THADA: variants seen among roughly 807,000 people sequenced by gnomAD.
THADA encodes THADA armadillo repeat containing, also known as tRNA (32-2'-O)-methyltransferase regulator THADA.
A neutral mutation model predicts 219.8 loss-of-function variants in THADA; 213 were observed. The observed-to-expected ratio is 0.97, with a 90% CI of 0.87 to 1.09. THADA has a LOEUF of 1.09. Among genes scored for constraint, THADA ranks in the 50% least tolerant of loss-of-function variants. The pLI is 0.00. For synonymous variants in THADA, 1,018 were observed against 828.9 expected (o/e 1.23, Z -3.92); for missense variants, 2,956 against 2,311.3 (o/e 1.28, Z -5.72).
At chr2:43,519,588 T>A (rs75712838) in intron 22 of THADA, among the ~76,000 whole-genome samples, 1 of 152,220 alleles carries the variant, frequency 6.6e-6, no homozygotes, top group African/African-American at 2.4e-5. Context: ...TCCACAGTTA[T>A]ATGTTTCCTA....
chr2:43,513,434 G>C (rs956570987), intron 22 of THADA, among the ~76,000 whole-genome samples: 1 of 152,224 alleles, frequency 6.6e-6, no homozygotes, highest in Non-Finnish European at 1.5e-5. Flanking sequence ...AAGAGTTACA[G>C]ATTTAGAAGC....
rs201981420 is a variant in THADA at position 43,401,978 on chromosome 2, A to G, written c.4059-3839T>C. 3.4e-4 allele frequency among the ~76,000 whole-genome samples: 51 copies of G among 152,064 alleles called. No homozygotes were observed. The East Asian group carries it at 7.0e-3, about 21-fold the overall frequency. ...AAAAAATTTTAAGGATCATGAAAAT[A>G]TTTCAGAAACTAATGTAAACTATGG... On this transcript the variant is annotated intron_variant, in intron 28 of 37. Transcript: ENST00000405975.
At chr2:43,368,138 GAAAC>G (rs1346785674) in intron 29 of THADA, among the ~76,000 whole-genome samples, 1 of 151,980 alleles carries the variant, frequency 6.6e-6, no homozygotes, top group Non-Finnish European at 1.5e-5. Flanking sequence ...AACAAACAAA[GAAAC>G]AAACAAACAA....
chr2:43,556,540 G>A lies in THADA; in HGVS notation c.2479C>T (p.Gln827Ter). The A allele has an allele frequency of 6.2e-7, 1 of 1,613,596 alleles. No individual in the cohort carries two copies. Among genetic ancestry groups the A allele is most frequent in the Non-Finnish European group, 8.5e-7 (1 of 1,179,682 alleles). The change falls in exon 17 of 38, where the codon CAA becomes TAA. Residue 827 changes from glutamine to a stop codon, truncating the protein, a stop_gained. Transcript: ENST00000405975. LOFTEE classifies it high-confidence loss of function. ...TCCAATGCTGCCTGAAATAAGCCTTGCAGTTTCCCCGAATCCTAGAATAAA... is the reference window on the plus strand; with the variant it reads ...TCCAATGCTGCCTGAAATAAGCCTTACAGTTTCCCCGAATCCTAGAATAAA... ...AVHFQDSGKL[Q>*]GLFQAALELS... is the part of the protein sequence containing the mutation.
At chr2:43,588,292 CAAA>C (rs59607755) in intron 4 of THADA, among the ~76,000 whole-genome samples, 1 of 98,710 alleles carries the variant, frequency 1.0e-5, no homozygotes. Flanking sequence ...AAAAGTTGAG[CAAA>C]AAAAAAAAAA....
At chr2:43,319,235 C>A (rs565923666) in intron 31 of THADA, among the ~76,000 whole-genome samples, 1 of 152,254 alleles carries the variant, frequency 6.6e-6, no homozygotes, top group South Asian at 2.1e-4. Context: ...TCCCTTACAG[C>A]CACGGTGACC....
chr2:43,508,594 A>G, intron 23 of THADA, 54 bp downstream of exon 23: 4 of 1,575,626 alleles, frequency 2.5e-6, no homozygotes. Context: ...GTTAGGATAC[A>G]CTATCATCAA....
intron 29 of THADA, among the ~76,000 whole-genome samples, chr2:43,360,385 G>C (rs527280607): frequency 1.3e-5 from 2 of 152,326 alleles, no homozygotes; most frequent in East Asian, 3.9e-4. Flanking sequence ...AACAGTGAAA[G>C]TAAACAGCAA....
chr2:43,256,612 AT>A (rs1553356398), intron 36 of THADA, among the ~76,000 whole-genome samples: 57 of 146,800 alleles, frequency 3.9e-4, no homozygotes, highest in South Asian at 4.3e-4. Flanking sequence ...TAAATAAATA[AT>A]TTTTTTTTTT....
At chr2:43,287,449 CA>C (rs1427313783) in intron 34 of THADA, among the ~76,000 whole-genome samples, 2 of 152,106 alleles carry the variant, frequency 1.3e-5, no homozygotes, top group Admixed American at 1.3e-4. Flanking sequence ...TGTGTGCCAC[CA>C]CACCTGGCTA....
At chr2:43,417,860 T>TC (rs1302572892) in intron 28 of THADA, among the ~76,000 whole-genome samples, 2 of 152,152 alleles carry the variant, frequency 1.3e-5, no homozygotes, top group Admixed American at 6.6e-5. Flanking sequence ...TGCCCAACAT[T>TC]CCCCCCCTCT....
At chr2:43,377,892 C>A (rs139870123) in intron 29 of THADA, among the ~76,000 whole-genome samples, 2 of 152,058 alleles carry the variant, frequency 1.3e-5, no homozygotes, top group South Asian at 4.2e-4. Flanking sequence ...CACCAGACAC[C>A]GCAAAAGGCA....
intron 26 of THADA, among the ~76,000 whole-genome samples, chr2:43,475,757 A>G (rs1685458450): frequency 6.6e-6 from 1 of 152,266 alleles, no homozygotes; most frequent in Non-Finnish European, 1.5e-5. Context: ...AGCTGCTTAC[A>G]GGAATGAATT....
chr2:43,299,856 G>T (rs559140728), intron 31 of THADA, among the ~76,000 whole-genome samples: 2 of 89,064 alleles, frequency 2.2e-5, no homozygotes, highest in East Asian at 6.7e-4. Context: ...GCGAAACCCC[G>T]CCTCTACTAA....
At chr2:43,353,730 A>T (rs1363145462) in intron 29 of THADA, among the ~76,000 whole-genome samples, 1 of 151,978 alleles carries the variant, frequency 6.6e-6, no homozygotes, top group Non-Finnish European at 1.5e-5. Context: ...ATCTTGGCTC[A>T]CTGCAACCTC....
At chr2:43,555,726 A>G (rs1018868153) in intron 17 of THADA, among the ~76,000 whole-genome samples, 25 of 151,970 alleles carry the variant, frequency 1.6e-4, no homozygotes, top group African/African-American at 5.8e-4. Context: ...TGTTTCTACC[A>G]TCCTGGAAAT....
chr2:43,467,181 C>CAAAA (rs70963399), intron 26 of THADA, among the ~76,000 whole-genome samples: 102 of 58,178 alleles, frequency 1.8e-3, no homozygotes, highest in Non-Finnish European at 2.2e-3. Flanking sequence ...GACTCCGTCT[C>CAAAA]AAAAAAAAAA....
chr2:43,279,242 C>T (rs1673069481), intron 36 of THADA, among the ~76,000 whole-genome samples: 1 of 152,170 alleles, frequency 6.6e-6, no homozygotes, highest in Admixed American at 6.5e-5. Context: ...TCTTTCCACT[C>T]CCCTCCTCCC....
chr2:43,571,574 G>A (rs1019889939), intron 13 of THADA, 133 bp downstream of exon 13: 4 of 790,832 alleles, frequency 5.1e-6, no homozygotes, highest in African/African-American at 3.4e-5. Flanking sequence ...GTCACAGAAC[G>A]GCCGTCATGA....
Sources: allele counts gnomAD v4.1 joint callset (sites outside exome capture counted in the v4.1 genomes callset), GRCh38; gene constraint gnomAD v4.1.1; transcripts MANE v1.5; gene names NCBI Gene and HGNC (gene_info 2026-07-23, HGNC 2026-07-21).